Variants in UBR1 observed in about 807,000 individuals in gnomAD.
UBR1 encodes the protein ubiquitin protein ligase E3 component n-recognin 1, also known as E3 ubiquitin-protein ligase UBR1.
UBR1 carries 102 observed loss-of-function variants against 242.1 expected under a neutral mutation model. The ratio of observed to expected loss-of-function variants is 0.42; its 90% CI spans 0.36 to 0.50. The LOEUF (loss-of-function observed/expected upper bound fraction) is 0.50. UBR1 is among the 20% of genes least tolerant of loss of function. The pLI is 0.01. For synonymous variants in UBR1, 675 were observed against 684.8 expected (o/e 0.99, Z 0.22); for missense variants, 1,772 against 2,101.8 (o/e 0.84, Z 3.07).
Position 42,983,887 on chromosome 15 carries a change from A to T in UBR1, c.4150+10T>A. 6.3e-7 allele frequency: 1 copy of T among 1,581,310 alleles called. No individual in the cohort carries two copies. The highest frequency in any genetic ancestry group is 8.7e-7 in the Non-Finnish European group (1 of 1,151,834). On this transcript the variant is annotated intron_variant, in intron 37 of 46. Coordinates refer to ENST00000290650, the MANE Select transcript of UBR1 (RefSeq NM_174916.3). ...TATAATACATAATAATAGTTCAGAG[A>T]AGACTCTACCTGATAGAAGACGAAC... is the stretch of plus-strand genomic sequence containing the variant.
At chr15:42,985,465 G>C (rs2032443818) in intron 35 of UBR1, among the ~76,000 whole-genome samples, 1 of 151,948 alleles carries the variant, frequency 6.6e-6, no homozygotes, top group African/African-American at 2.4e-5. Flanking sequence ...CGATTCTCCT[G>C]CCTCAGCCTC....
At chr15:42,999,306 C>T (rs1231623082) in intron 32 of UBR1, among the ~76,000 whole-genome samples, 1 of 152,148 alleles carries the variant, frequency 6.6e-6, no homozygotes, top group Non-Finnish European at 1.5e-5. Context: ...GTGATTATTC[C>T]TCACTTTATT....
chr15:42,961,171 A>G (rs1359940922), intron 42 of UBR1, among the ~76,000 whole-genome samples: 2 of 149,170 alleles, frequency 1.3e-5, no homozygotes, highest in African/African-American at 2.5e-5. Flanking sequence ...CTGGAGTGCA[A>G]TGGTGATCTC....
chr15:43,025,469 C>T (rs769435894), intron 23 of UBR1, 40 bp from the exon 24 acceptor site: 1 of 1,480,812 alleles, frequency 6.8e-7, no homozygotes, highest in East Asian at 2.3e-5. Flanking sequence ...GCTTTGGAAG[C>T]ATGAAACAAA....
intron 30 of UBR1, 131 bp downstream of exon 30, chr15:43,006,948 C>T (rs955941539): frequency 2.7e-5 from 23 of 854,758 alleles, no homozygotes; most frequent in Middle Eastern, 3.5e-4. Context: ...ATTATTATTA[C>T]TTTCTTAAAT....
intron 39 of UBR1, 96 bp from the exon 40 acceptor site, chr15:42,970,703 A>T: frequency 8.9e-7 from 1 of 1,121,566 alleles, no homozygotes; most frequent in Non-Finnish European, 1.3e-6. Context: ...AACAACGTAG[A>T]TTCATTCAAC....
At chr15:43,067,522 T>C (rs528989266) in intron 6 of UBR1, among the ~76,000 whole-genome samples, 30 of 152,330 alleles carry the variant, frequency 2.0e-4, no homozygotes, top group African/African-American at 7.0e-4. Flanking sequence ...GAATTAATAT[T>C]ACTCTAAAAA....
intron 46 of UBR1, among the ~76,000 whole-genome samples, chr15:42,945,694 G>T (rs534164417): frequency 6.6e-6 from 1 of 152,172 alleles, no homozygotes; most frequent in Non-Finnish European, 1.5e-5. Flanking sequence ...TCATAAAATA[G>T]GTCAGGTATA....
chr15:42,965,245 CAA>C (rs2032086437), intron 41 of UBR1, among the ~76,000 whole-genome samples: 1 of 152,050 alleles, frequency 6.6e-6, no homozygotes, highest in South Asian at 2.1e-4. Context: ...TCTCAAAGGA[CAA>C]AAGGAAGAAT....
chr15:43,077,577 C>T (rs1284652413), intron 3 of UBR1, among the ~76,000 whole-genome samples: 1 of 149,808 alleles, frequency 6.7e-6, no homozygotes, highest in Non-Finnish European at 1.5e-5. Flanking sequence ...ATCTGCTGAC[C>T]TTCCCTCCAC....
intron 43 of UBR1, among the ~76,000 whole-genome samples, chr15:42,958,867 A>G (rs1427855020): frequency 6.6e-6 from 1 of 152,164 alleles, no homozygotes; most frequent in Non-Finnish European, 1.5e-5. Context: ...GTCTCACTCT[A>G]TCCCTCAGGC....
intron 1 of UBR1, among the ~76,000 whole-genome samples, chr15:43,093,068 G>A (rs949515716): frequency 1.3e-5 from 2 of 151,984 alleles, no homozygotes; most frequent in Non-Finnish European, 2.9e-5. Flanking sequence ...GAAATTAAGG[G>A]AAAGCTTTCC....
rs1243797906 is a variant in UBR1, at chr15:42,993,813, G to C, written c.3758-3693C>G. ...AAATCTCACCACTGCACTCCAGCCT[G>C]GGGGGCAGAGCGAGACTCCATCTCA... On this transcript the variant is annotated intron_variant, in intron 33 of 46. Coordinates refer to ENST00000290650, the MANE Select transcript of UBR1 (RefSeq NM_174916.3). 3.3e-5 allele frequency among the ~76,000 whole-genome samples: 5 copies of C among 151,910 alleles called. No individual in the cohort carries two copies. The South Asian group carries it at 8.3e-4, about 25-fold the overall frequency.
chr15:43,098,137 T>C (rs766209590), intron 1 of UBR1, among the ~76,000 whole-genome samples: 6 of 152,212 alleles, frequency 3.9e-5, no homozygotes, highest in Non-Finnish European at 7.3e-5. Flanking sequence ...TCTTAGGGTA[T>C]AGGGATGCCC....
chr15:42,955,999 A>G (rs562698304), intron 44 of UBR1, among the ~76,000 whole-genome samples: 6 of 152,258 alleles, frequency 3.9e-5, no homozygotes, highest in African/African-American at 1.4e-4. Context: ...TCCACTTGAA[A>G]TTATCAGTGA....
intron 1 of UBR1, among the ~76,000 whole-genome samples, chr15:43,103,610 T>C (rs2034264197): frequency 6.6e-6 from 1 of 152,226 alleles, no homozygotes; most frequent in Admixed American, 6.5e-5. Context: ...TTTATTTGAA[T>C]TGCATGTGAG....
chr15:43,044,276 G>A (rs2033456063), intron 14 of UBR1, among the ~76,000 whole-genome samples: 1 of 152,204 alleles, frequency 6.6e-6, no homozygotes, highest in African/African-American at 2.4e-5. Context: ...GGTCATTGAA[G>A]ATGGTAGATT....
At chr15:43,033,097 G>C (rs998399654) in intron 19 of UBR1, among the ~76,000 whole-genome samples, 4 of 152,094 alleles carry the variant, frequency 2.6e-5, no homozygotes, top group Non-Finnish European at 4.4e-5. Flanking sequence ...TCCTATTCAT[G>C]TTAGCCCTTT....
intron 1 of UBR1, among the ~76,000 whole-genome samples, chr15:43,092,382 A>G (rs2034115210): frequency 6.6e-6 from 1 of 152,244 alleles, no homozygotes; most frequent in Admixed American, 6.5e-5. Context: ...AGCCTCTTCA[A>G]TTAGAATGTA....
Sources: allele counts gnomAD v4.1 joint callset (sites outside exome capture counted in the v4.1 genomes callset), GRCh38; gene constraint gnomAD v4.1.1; transcripts MANE v1.5; gene names NCBI Gene and HGNC (gene_info 2026-07-23, HGNC 2026-07-21).